PTGR1: variants seen among roughly 807,000 people sequenced by gnomAD.
The protein encoded by PTGR1 is prostaglandin reductase 1, also known as 15-oxoprostaglandin 13-reductase.
Under a neutral mutation model 37.7 loss-of-function variants are expected in PTGR1, and 23 were observed. That is an observed-to-expected ratio of 0.61 (90% CI 0.44 to 0.86). The LOEUF (loss-of-function observed/expected upper bound fraction) is 0.86. Among genes scored for constraint, PTGR1 ranks in the 40% least tolerant of loss-of-function variants. PTGR1 has a pLI of 0.00. For synonymous variants in PTGR1, 134 were observed against 140.0 expected, an observed-to-expected ratio of 0.96 and a Z score of 0.30; for missense variants, 351 against 394.3, an observed-to-expected ratio of 0.89 and a Z score of 0.93.
rs146724695 is a variant in PTGR1 at position 111,563,630 on chromosome 9, C to T, written c.880-399G>A. 357 of 158,548 alleles carry T rather than the reference C, an allele frequency of 2.3e-3. 2 individuals carry two copies. The highest frequency in any genetic ancestry group is 8.4e-3 in the African/African-American group (349 of 41,530). 9.8% of individuals were successfully genotyped at this position (158,548 alleles called of 1,614,324 possible). ...ATGCCATTCTCCTGCCTCAGCCTCC[C>T]GACTAGCTGGGACTACAGGTGCTCA... On this transcript the variant is annotated intron_variant, in intron 9 of 9. Coordinates refer to ENST00000407693, the MANE Select transcript of PTGR1 (RefSeq NM_001146108.2).
chr9:111,592,987 A>C lies in PTGR1; in HGVS notation c.153-5T>G, dbSNP rs1185551323. Reference sequence around the variant, plus strand: ...TTCAATCTTTTGGCTGCCACTCTGCAAAAAAAAAAAAAAAAAAAAAAAAAA... The same window carrying C: ...TTCAATCTTTTGGCTGCCACTCTGCCAAAAAAAAAAAAAAAAAAAAAAAAA... On this transcript the variant is annotated splice_polypyrimidine_tract_variant and splice_region_variant and intron_variant, in intron 3 of 9. Coordinates refer to ENST00000407693, the MANE Select transcript of PTGR1 (RefSeq NM_001146108.2). The C allele has an allele frequency of 1.2e-4, 6 of 48,046 alleles. No homozygotes were observed. The highest frequency in any genetic ancestry group is 2.3e-4 in the Non-Finnish European group (6 of 25,932). 3.0% of individuals were successfully genotyped at this position (48,046 alleles called of 1,614,324 possible). A position where few individuals can be genotyped will look rare whatever the true frequency, so the allele number is the denominator to read the frequency against.
intron 1 of PTGR1, among the ~76,000 whole-genome samples, chr9:111,598,957 C>A (rs1829861822): frequency 6.6e-6 from 1 of 152,172 alleles, no homozygotes; most frequent in Non-Finnish European, 1.5e-5. Flanking sequence ...CCCCCCCGAA[C>A]CCGCTCCCAG....
intron 8 of PTGR1, among the ~76,000 whole-genome samples, chr9:111,571,964 G>T (rs1564614021): frequency 6.6e-6 from 1 of 152,132 alleles, no homozygotes; most frequent in Admixed American, 6.5e-5. Flanking sequence ...TTTTTTGGTT[G>T]CCTGGTTGAT....
intron 9 of PTGR1, among the ~76,000 whole-genome samples, chr9:111,554,569 T>C (rs916974610): frequency 6.6e-6 from 1 of 152,222 alleles, no homozygotes; most frequent in Non-Finnish European, 1.5e-5. Flanking sequence ...TTCTATGTTT[T>C]GTCAGTCTGA....
chr9:111,583,420 G>T, intron 6 of PTGR1, 52 bp downstream of exon 6: 1 of 1,421,036 alleles, frequency 7.0e-7, no homozygotes, highest in Non-Finnish European at 1.0e-6. Context: ...GTTCACTGTT[G>T]CATTCCCAAT....
At chr9:111,594,549 CTTTT>C (rs71373753) in intron 2 of PTGR1, among the ~76,000 whole-genome samples, 2 of 127,206 alleles carry the variant, frequency 1.6e-5, no homozygotes, top group Non-Finnish European at 3.2e-5. Context: ...TTTTGGCATT[CTTTT>C]TTTTTTTTTT....
intron 9 of PTGR1, 88 bp from the exon 10 acceptor site, chr9:111,563,319 A>T (rs1176715752): frequency 7.7e-7 from 1 of 1,294,562 alleles, no homozygotes; most frequent in Non-Finnish European, 1.0e-6. Flanking sequence ...TTTATCAGGT[A>T]CATCATTGGA....
chr9:111,568,433 T>G (rs1828671350), intron 9 of PTGR1, among the ~76,000 whole-genome samples: 1 of 152,208 alleles, frequency 6.6e-6, no homozygotes. Flanking sequence ...AGACTGGTTC[T>G]CTGCTTTCGA....
chr9:111,595,890 C>T (rs1268100126), intron 2 of PTGR1, among the ~76,000 whole-genome samples: 6 of 152,138 alleles, frequency 3.9e-5, no homozygotes, highest in Non-Finnish European at 7.3e-5. Flanking sequence ...GCCTCAGCCT[C>T]CCAAAGTTCT....
chr9:111,590,553 T>C (rs984923705), intron 4 of PTGR1, among the ~76,000 whole-genome samples: 1 of 152,158 alleles, frequency 6.6e-6, no homozygotes, highest in African/African-American at 2.4e-5. Context: ...GAGATTGGGT[T>C]TTGACATGTT....
At position 111,597,314 on chromosome 9, in the gene PTGR1, T is replaced by C. The variant is rs1829809475; in HGVS notation, c.106+3A>G. The C allele has an allele frequency of 6.3e-7, 1 of 1,593,430 alleles. No homozygotes were observed. The highest frequency in any genetic ancestry group is 2.2e-5 in the East Asian group (1 of 44,780). On this transcript the variant is annotated splice_donor_region_variant and intron_variant, in intron 2 of 9. Coordinates refer to ENST00000407693, the MANE Select transcript of PTGR1 (RefSeq NM_001146108.2). Reference sequence around the variant, plus strand: ...ACTCTGAAATATTTTTAGTATGACTTACCTCCATTTTTTAAGGGTGGGAGC... The same window carrying C: ...ACTCTGAAATATTTTTAGTATGACTCACCTCCATTTTTTAAGGGTGGGAGC...
At chr9:111,559,764 C>T (rs1828222323), downstream of PTGR1, among the ~76,000 whole-genome samples, 1 of 152,220 alleles carries the variant, frequency 6.6e-6, no homozygotes, top group African/African-American at 2.4e-5. Flanking sequence ...CCCCAGCAGA[C>T]AGTCACCTTG....
chr9:111,589,298 G>A, intron 4 of PTGR1: 1 of 665,728 alleles, frequency 1.5e-6, no homozygotes, highest in Non-Finnish European at 1.9e-6. Context: ...AAAGATGTCA[G>A]TTTCCTCTAA....
Position 111,594,232 on chromosome 9 carries a change from G to A in PTGR1, c.142C>T (p.Pro48Ser). 4 of 1,613,322 alleles carry A rather than the reference G, an allele frequency of 2.5e-6. No homozygotes were observed. The highest frequency in any genetic ancestry group is 3.4e-6 in the Non-Finnish European group (4 of 1,179,334). The change falls in exon 3 of 10, where the codon CCC (proline) becomes TCC (serine). Residue 48 changes from proline (P) to serine (S), a missense_variant. Pro to Ser is a moderately conservative substitution (Grantham distance 74, BLOSUM62 -1). Coordinates refer to ENST00000407693, the MANE Select transcript of PTGR1 (RefSeq NM_001146108.2). The part of the protein sequence containing the change: ...LLEALFLTVD[P>S]YMRVAAKRLK... ...CGAAATAAATAATACCTCATGTAGG[G>A]ATCCACGGTGAGGAACAAAGCTTCA...
At chr9:111,586,957 G>A (rs1010275940) in intron 4 of PTGR1, among the ~76,000 whole-genome samples, 9 of 151,338 alleles carry the variant, frequency 5.9e-5, no homozygotes, top group South Asian at 4.2e-4. Flanking sequence ...GATTATAGGC[G>A]CCCACCACAA....
intron 6 of PTGR1, among the ~76,000 whole-genome samples, chr9:111,581,681 A>G (rs1205845573): frequency 1.3e-5 from 2 of 152,142 alleles, no homozygotes; most frequent in Non-Finnish European, 2.9e-5. Flanking sequence ...AACATTGCCC[A>G]GACTGGTCTT....
At chr9:111,573,950 C>G (rs773307285) in intron 8 of PTGR1, among the ~76,000 whole-genome samples, 1 of 152,150 alleles carries the variant, frequency 6.6e-6, no homozygotes, top group Non-Finnish European at 1.5e-5. Flanking sequence ...AGGGAAGCTG[C>G]TGCTCCCTTC....
chr9:111,589,899 T>C (rs1470741721), intron 4 of PTGR1, among the ~76,000 whole-genome samples: 6 of 152,176 alleles, frequency 3.9e-5, no homozygotes, highest in Admixed American at 3.9e-4. Context: ...CCTCCCAAAG[T>C]GCTGGGATTG....
At chr9:111,586,720 A>G (rs1329080331) in intron 4 of PTGR1, among the ~76,000 whole-genome samples, 1 of 151,798 alleles carries the variant, frequency 6.6e-6, no homozygotes, top group African/African-American at 2.4e-5. Context: ...TAAGGTCACA[A>G]CAACCTCCTG....
Sources: allele counts gnomAD v4.1 joint callset (sites outside exome capture counted in the v4.1 genomes callset), GRCh38; gene constraint gnomAD v4.1.1; transcripts MANE v1.5; gene names NCBI Gene and HGNC (gene_info 2026-07-23, HGNC 2026-07-21).